BMPR1B: variants seen among roughly 807,000 people sequenced by gnomAD.
BMPR1B encodes the protein bone morphogenetic protein receptor type 1B.
A neutral mutation model predicts 59.1 loss-of-function variants in BMPR1B; 12 were observed. The ratio of observed to expected loss-of-function variants is 0.20; its 90% CI spans 0.13 to 0.33. BMPR1B has a LOEUF of 0.33. BMPR1B is among the 10% of genes least tolerant of loss of function. The pLI is 1.00. For synonymous variants in BMPR1B, 237 were observed against 207.3 expected, an observed-to-expected ratio of 1.14 and a Z score of -1.23; for missense variants, 550 against 610.9, an observed-to-expected ratio of 0.90 and a Z score of 1.05.
At chr4:95,139,212 G>T (rs183664690) in intron 10 of BMPR1B, among the ~76,000 whole-genome samples, 1 of 152,156 alleles carries the variant, frequency 6.6e-6, no homozygotes, top group Non-Finnish European at 1.5e-5. Flanking sequence ...TATCACCAGC[G>T]GAGGCTGCAG....
Position 95,114,706 on chromosome 4 carries a change from T to C in BMPR1B, c.144-14T>C. 6.2e-7 allele frequency: 1 copy of C among 1,601,364 alleles called. No homozygotes were observed. The highest frequency in any genetic ancestry group is 1.1e-5 in the South Asian group (1 of 90,784). On this transcript the variant is annotated splice_polypyrimidine_tract_variant and intron_variant, in intron 4 of 12. Coordinates refer to ENST00000515059, the MANE Select transcript of BMPR1B (RefSeq NM_001203.3). Reference sequence around the variant, plus strand: ...CACACATTCTGTTTCTCACTTTGCTTGTTTGATCTTCAGCACAGACGGATA... The same window carrying C: ...CACACATTCTGTTTCTCACTTTGCTCGTTTGATCTTCAGCACAGACGGATA...
intron 1 of BMPR1B, among the ~76,000 whole-genome samples, chr4:94,768,093 A>G (rs769688695): frequency 2.6e-5 from 4 of 152,092 alleles, no homozygotes; most frequent in Non-Finnish European, 5.9e-5. Flanking sequence ...TTATAAATAC[A>G]TTGTCTTGAA....
At chr4:95,059,767 G>A (rs1727215254) in intron 3 of BMPR1B, among the ~76,000 whole-genome samples, 1 of 152,108 alleles carries the variant, frequency 6.6e-6, no homozygotes, top group African/African-American at 2.4e-5. Context: ...AAGACATCTG[G>A]TATTGAGCTT....
chr4:94,768,729 ATAT>A (rs1327772117), intron 1 of BMPR1B, among the ~76,000 whole-genome samples: 2 of 152,158 alleles, frequency 1.3e-5, no homozygotes, highest in Admixed American at 6.5e-5. Context: ...TATTTTAGTA[ATAT>A]TATAAACTAA....
chr4:94,777,857 C>G (rs1237211745), intron 1 of BMPR1B, among the ~76,000 whole-genome samples: 1 of 151,982 alleles, frequency 6.6e-6, no homozygotes, highest in Non-Finnish European at 1.5e-5. Context: ...GAAACCCTGT[C>G]TCTACTAAAA....
At chr4:94,981,641 T>C (rs868302638) in intron 2 of BMPR1B, among the ~76,000 whole-genome samples, 9 of 152,196 alleles carry the variant, frequency 5.9e-5, no homozygotes, top group African/African-American at 1.7e-4. Flanking sequence ...AGAACCTAAA[T>C]TGACACTAAG....
At chr4:95,020,588 A>G (rs1271352995) in intron 3 of BMPR1B, among the ~76,000 whole-genome samples, 2 of 152,160 alleles carry the variant, frequency 1.3e-5, no homozygotes, top group African/African-American at 4.8e-5. Context: ...AAAAAAAAAA[A>G]AAAAAAAGAG....
intron 6 of BMPR1B, among the ~76,000 whole-genome samples, chr4:95,118,518 A>G (rs1268013534): frequency 2.6e-5 from 4 of 152,202 alleles, no homozygotes; most frequent in Non-Finnish European, 1.5e-5. Flanking sequence ...GACAGAATGC[A>G]GTTTTGTTGT....
intron 2 of BMPR1B, among the ~76,000 whole-genome samples, chr4:94,885,963 A>G (rs776766042): frequency 3.3e-5 from 5 of 152,196 alleles, no homozygotes; most frequent in Admixed American, 1.3e-4. Context: ...TGAAGAACAC[A>G]AAGTAAGATG....
At chr4:95,128,946 T>C (rs1733098439) in intron 8 of BMPR1B, among the ~76,000 whole-genome samples, 1 of 152,092 alleles carries the variant, frequency 6.6e-6, no homozygotes, top group Admixed American at 6.6e-5. Flanking sequence ...CTCATTCTCT[T>C]TCTTTCTTCT....
chr4:94,763,320 C>T (rs375428741), intron 1 of BMPR1B, among the ~76,000 whole-genome samples: 5 of 152,194 alleles, frequency 3.3e-5, no homozygotes, highest in African/African-American at 4.8e-5. Context: ...ATTGTTAGAT[C>T]GGGATGTTAC....
chr4:94,907,582 G>A (rs1354003237), intron 2 of BMPR1B, among the ~76,000 whole-genome samples: 2 of 151,876 alleles, frequency 1.3e-5, no homozygotes, highest in African/African-American at 4.8e-5. Context: ...ATCAAGAAAT[G>A]CCTTCTGTCT....
intron 1 of BMPR1B, among the ~76,000 whole-genome samples, chr4:94,835,295 G>A (rs1003909): frequency 6.6e-6 from 1 of 151,936 alleles, no homozygotes; most frequent in African/African-American, 2.4e-5. Context: ...TTAGCCTTCC[G>A]AGTAGCTGGG....
rs148720302 is a variant in BMPR1B at position 95,130,723 on chromosome 4, C to CTTTTTTTTTT, written c.779-476_779-467dup. On this transcript the variant is annotated intron_variant, in intron 9 of 12. Coordinates refer to ENST00000515059, the MANE Select transcript of BMPR1B (RefSeq NM_001203.3). ...GGTTTTTTTCTTTTTCTTTTCTTTT[C>CTTTTTTTTTT]TTTTTTTTTTTTTTTTTTTTTTTTT... Among the ~76,000 whole-genome samples, 558 of 77,886 alleles carry CTTTTTTTTTT rather than the reference C, an allele frequency of 7.2e-3. 1 individual carries two copies. The highest frequency in any genetic ancestry group is 0.015 in the Middle Eastern group (1 of 68). The allele number at this position is 77,886 out of a possible 152,430, so 51.1% of individuals were successfully genotyped here. A position where few individuals can be genotyped will look rare whatever the true frequency, so the allele number is the denominator to read the frequency against.
intron 2 of BMPR1B, among the ~76,000 whole-genome samples, chr4:94,982,362 A>G (rs1479219605): frequency 1.3e-5 from 2 of 152,222 alleles, no homozygotes; most frequent in Non-Finnish European, 2.9e-5. Context: ...AATCAGATGC[A>G]TGACGAAAGT....
At chr4:94,962,151 C>T (rs6822822) in intron 2 of BMPR1B, among the ~76,000 whole-genome samples, 3,419 of 29,972 alleles carry the variant, frequency 0.11, 240 homozygotes, top group African/African-American at 0.26. Context: ...TTTCTTTTTT[C>T]TTTTTTTTGA....
At position 94,835,653 on chromosome 4, in the gene BMPR1B, A is replaced by G. The variant is rs1040464873; in HGVS notation, c.-182-40178A>G. ...TTTAAATTGAAAATATTTATTAAGT[A>G]TAAGTTTTGTAAAACTCTACAATTT... On this transcript the variant is annotated intron_variant, in intron 1 of 12. Transcript: ENST00000515059. Among the ~76,000 whole-genome samples, 5 of 117,878 alleles carry G rather than the reference A, an allele frequency of 4.2e-5. No homozygotes were observed. The South Asian group carries it at 1.1e-3, about 26-fold the overall frequency. 77.3% of individuals were successfully genotyped at this position (117,878 alleles called of 152,430 possible). A position where few individuals can be genotyped will look rare whatever the true frequency, so the allele number is the denominator to read the frequency against.
At chr4:95,049,705 C>T (rs897692952) in intron 3 of BMPR1B, among the ~76,000 whole-genome samples, 1 of 151,702 alleles carries the variant, frequency 6.6e-6, no homozygotes, top group African/African-American at 2.4e-5. Context: ...CTTTCAGCAT[C>T]CAGCTCTCCC....
chr4:95,095,054 T>C (rs34800104), intron 3 of BMPR1B, among the ~76,000 whole-genome samples: 43,538 of 151,498 alleles, frequency 0.29, 6,825 homozygotes, highest in South Asian at 0.41. Context: ...AATTTTTTTT[T>C]CCTAAATTTT....
Sources: allele counts gnomAD v4.1 joint callset (sites outside exome capture counted in the v4.1 genomes callset), GRCh38; gene constraint gnomAD v4.1.1; transcripts MANE v1.5; gene names NCBI Gene and HGNC (gene_info 2026-07-23, HGNC 2026-07-21).